ARL5A: variants seen among roughly 807,000 people sequenced by gnomAD.
The protein encoded by ARL5A is ADP-ribosylation factor-like protein 5A.
Under a neutral mutation model 25.9 loss-of-function variants are expected in ARL5A, and 18 were observed. That is an observed-to-expected ratio of 0.69 (90% CI 0.48 to 1.03). ARL5A has a LOEUF of 1.03. Among genes scored for constraint, ARL5A ranks in the 50% least tolerant of loss-of-function variants. The pLI is 0.00. For synonymous variants in ARL5A, 61 were observed against 67.5 expected (o/e 0.90, Z 0.47); for missense variants, 170 against 211.9 (o/e 0.80, Z 1.23).
At chr2:151,819,868 A>G (rs999223500) in intron 1 of ARL5A, among the ~76,000 whole-genome samples, 2 of 152,178 alleles carry the variant, frequency 1.3e-5, no homozygotes, top group African/African-American at 4.8e-5. Context: ...AGCCTGGCCA[A>G]GATGGTGAAA....
intron 1 of ARL5A, among the ~76,000 whole-genome samples, chr2:151,826,599 C>T (rs2099833085): frequency 6.6e-6 from 1 of 152,162 alleles, no homozygotes; most frequent in Admixed American, 6.5e-5. Context: ...AAAAATAATA[C>T]AAAATGATGG....
chr2:151,807,808 T>C (rs1018564801), intron 4 of ARL5A, among the ~76,000 whole-genome samples: 1 of 152,174 alleles, frequency 6.6e-6, no homozygotes, highest in Non-Finnish European at 1.5e-5. Flanking sequence ...CAGAGGCAAG[T>C]TCTTTAAGCT....
chr2:151,822,925 T>C (rs757181147), intron 1 of ARL5A, among the ~76,000 whole-genome samples: 12 of 152,224 alleles, frequency 7.9e-5, no homozygotes, highest in Admixed American at 4.6e-4. Context: ...GTTCCATTCA[T>C]TGCCAGTTTT....
intron 1 of ARL5A, among the ~76,000 whole-genome samples, chr2:151,826,053 C>G (rs1478574973): frequency 1.3e-5 from 2 of 152,210 alleles, no homozygotes. Flanking sequence ...ACCCAGGAGG[C>G]ACAGGTTGCA....
At chr2:151,808,609 T>C (rs1284392659) in intron 4 of ARL5A, among the ~76,000 whole-genome samples, 2 of 152,266 alleles carry the variant, frequency 1.3e-5, no homozygotes, top group East Asian at 1.9e-4. Flanking sequence ...TAAGATTTCA[T>C]GTTCAACTAG....
chr2:151,819,108 G>A (rs939252496), intron 1 of ARL5A, among the ~76,000 whole-genome samples: 8 of 151,916 alleles, frequency 5.3e-5, no homozygotes, highest in Non-Finnish European at 8.8e-5. Context: ...CAAAAACATA[G>A]GCAAGAATCT....
At position 151,828,132 on chromosome 2, in the gene ARL5A, CT is replaced by C; in HGVS notation, c.44del (p.Gln15ArgfsTer24). 1 of 1,610,496 alleles carries C rather than the reference CT, an allele frequency of 6.2e-7. No individual in the cohort carries two copies. Among genetic ancestry groups the C allele is most frequent in the Non-Finnish European group, 8.5e-7 (1 of 1,178,288 alleles). ...ACGCCCGCGGACCGAGCTCCTCACC[CT>C]GGTGATTGAACAGTCTCCATATTCT... ...FTRIWRLFNH[Q>X]EHKVIIVGLD... On this transcript the variant is annotated frameshift_variant and splice_region_variant, in exon 1 of 6. Coordinates refer to ENST00000295087, the MANE Select transcript of ARL5A (RefSeq NM_012097.4). LOFTEE classifies it high-confidence loss of function.
chr2:151,812,824 A>G (rs2099831020), intron 3 of ARL5A, among the ~76,000 whole-genome samples: 1 of 152,180 alleles, frequency 6.6e-6, no homozygotes, highest in Non-Finnish European at 1.5e-5. Context: ...CAATCTGAAC[A>G]CCTAAAAGGG....
chr2:151,821,192 GCCTA>G lies in ARL5A; in HGVS notation c.47-5997_47-5994del, dbSNP rs202135683. On this transcript the variant is annotated intron_variant, in intron 1 of 5. Transcript: ENST00000295087. Reference sequence around the variant, plus strand: ...CTCCACACTACAATCTTACTCTTCTGCCTACCTATTTTACAAATTCAATGAATTC... The same window carrying G: ...CTCCACACTACAATCTTACTCTTCTGCCTATTTTACAAATTCAATGAATTC... Among the ~76,000 whole-genome samples the G allele has an allele frequency of 2.7e-3, 416 of 152,216 alleles. 3 individuals carry two copies. Among genetic ancestry groups the G allele is most frequent in the African/African-American group, 9.2e-3 (383 of 41,530 alleles).
chr2:151,810,420 G>T, intron 4 of ARL5A: 2 of 243,290 alleles, frequency 8.2e-6, no homozygotes, highest in Non-Finnish European at 8.6e-6. Context: ...GCAGAATTTT[G>T]CCTGTTTGGC....
In ARL5A at chr2:151,802,887, C is replaced by T. The variant is rs1256162242; in HGVS notation, c.*389G>A. ...TAAAATATTGGAAACATTCGAATAT[C>T]TGTGCTGATTTGTATTCTGACTTAA... On this transcript the variant is annotated 3_prime_UTR_variant, in exon 6 of 6. Transcript: ENST00000295087. 1 of 163,082 alleles carries T rather than the reference C, an allele frequency of 6.1e-6. No homozygotes were observed. Among genetic ancestry groups the T allele is most frequent in the Non-Finnish European group, 1.3e-5 (1 of 75,364 alleles). The allele number at this position is 163,082 out of a possible 1,614,324, so 10.1% of individuals were successfully genotyped here.
rs968815028 is a variant in ARL5A, at chr2:151,799,677, C to T, written c.*3599G>A. The T allele has an allele frequency of 1.3e-5, 2 of 152,184 alleles. No homozygotes were observed. Among genetic ancestry groups the T allele is most frequent in the Non-Finnish European group, 2.9e-5 (2 of 68,038 alleles). The allele number at this position is 152,184 out of a possible 1,614,324, so 9.4% of individuals were successfully genotyped here. Reference sequence around the variant, plus strand: ...TATTGGCATCTATATGCTATACACACTGCAAGCTGGTCTTCTGATGGACTC... The same window carrying T: ...TATTGGCATCTATATGCTATACACATTGCAAGCTGGTCTTCTGATGGACTC... On this transcript the variant is annotated 3_prime_UTR_variant, in exon 6 of 6. Transcript: ENST00000295087.
rs2099829562 is a variant in ARL5A, at chr2:151,802,518, C to G, written c.*758G>C. ...CTAAGCCAAGAATCTGCTAGCTTTC[C>G]CACTCTGTTGAATTACATGTTTCCA... On this transcript the variant is annotated 3_prime_UTR_variant, in exon 6 of 6. Coordinates refer to ENST00000295087, the MANE Select transcript of ARL5A (RefSeq NM_012097.4). The G allele has an allele frequency of 6.6e-6, 1 of 152,030 alleles. No individual in the cohort carries two copies. The highest frequency in any genetic ancestry group is 2.4e-5 in the African/African-American group (1 of 41,376). The allele number at this position is 152,030 out of a possible 1,614,324, so 9.4% of individuals were successfully genotyped here. A position where few individuals can be genotyped will look rare whatever the true frequency, so the allele number is the denominator to read the frequency against.
chr2:151,803,173 A>G lies in ARL5A; in HGVS notation c.*103T>C. 1 of 698,486 alleles carries G rather than the reference A, an allele frequency of 1.4e-6. No homozygotes were observed. The highest frequency in any genetic ancestry group is 2.5e-5 in the South Asian group (1 of 40,006). The allele number at this position is 698,486 out of a possible 1,614,324, so 43.3% of individuals were successfully genotyped here. ...TTTTTCTTCTTATAGAAAAAGTTTA[A>G]ATCAGTTTATTATAAATATATCTAA... On this transcript the variant is annotated 3_prime_UTR_variant, in exon 6 of 6. Coordinates refer to ENST00000295087, the MANE Select transcript of ARL5A (RefSeq NM_012097.4).
intron 1 of ARL5A, among the ~76,000 whole-genome samples, chr2:151,826,466 C>A (rs2099833065): frequency 1.3e-5 from 2 of 152,178 alleles, no homozygotes; most frequent in Non-Finnish European, 2.9e-5. Context: ...TCTTAACTTA[C>A]AGAAACAAAT....
In ARL5A at chr2:151,798,913, C is replaced by T. The variant is rs1432709022; in HGVS notation, c.*4363G>A. The T allele has an allele frequency of 1.3e-5, 2 of 152,024 alleles. No homozygotes were observed. The highest frequency in any genetic ancestry group is 4.8e-5 in the African/African-American group (2 of 41,386). 9.4% of individuals were successfully genotyped at this position (152,024 alleles called of 1,614,324 possible). A position where few individuals can be genotyped will look rare whatever the true frequency, so the allele number is the denominator to read the frequency against. On this transcript the variant is annotated 3_prime_UTR_variant, in exon 6 of 6. Coordinates refer to ENST00000295087, the MANE Select transcript of ARL5A (RefSeq NM_012097.4). Reference sequence around the variant, plus strand: ...TTCTACCAAAGAACAGGATATCTAGCAAGCAACAGCATAAAGATTTAAACT... The same window carrying T: ...TTCTACCAAAGAACAGGATATCTAGTAAGCAACAGCATAAAGATTTAAACT...
chr2:151,811,773 A>G (rs977832228), intron 4 of ARL5A, among the ~76,000 whole-genome samples: 2 of 152,014 alleles, frequency 1.3e-5, no homozygotes, highest in Admixed American at 1.3e-4. Flanking sequence ...GGGTCTTGCC[A>G]TGTTGCTCAG....
At chr2:151,813,998 G>C (rs976367509) in intron 3 of ARL5A, among the ~76,000 whole-genome samples, 171 bp downstream of exon 3, 2 of 152,062 alleles carry the variant, frequency 1.3e-5, no homozygotes, top group African/African-American at 4.8e-5. Flanking sequence ...TTCAATGATA[G>C]TGGACATATT....
At position 151,812,423 on chromosome 2, in the gene ARL5A, CACA is replaced by C. The variant is rs1391016190; in HGVS notation, c.270_272del (p.Val91del). 6 of 1,587,998 alleles carry C rather than the reference CACA, an allele frequency of 3.8e-6. No individual in the cohort carries two copies. Among genetic ancestry groups the C allele is most frequent in the Admixed American group, 1.9e-5 (1 of 53,762 alleles). Reference sequence around the variant, plus strand: ...AAATCCTCTCTCTGTCTGTACTGTCCACAACAACTATTACAAACTAAAATAATT... The same window carrying C: ...AAATCCTCTCTCTGTCTGTACTGTCCACAACTATTACAAACTAAAATAATT... On this transcript the variant is annotated inframe_deletion, in exon 4 of 6. Coordinates refer to ENST00000295087, the MANE Select transcript of ARL5A (RefSeq NM_012097.4).
Sources: gnomAD v4.1 joint callset for allele counts (sites outside exome capture counted in the v4.1 genomes callset) on GRCh38, gnomAD v4.1.1 for gene constraint, MANE v1.5 for transcripts, NCBI Gene and HGNC (gene_info 2026-07-23, HGNC 2026-07-21) for gene names.